The following ACADSB variants were observed in gnomAD, a reference collection of about 807,000 sequenced individuals.
ACADSB encodes short/branched chain specific acyl-CoA dehydrogenase, mitochondrial.
In ACADSB, 40 loss-of-function variants were observed where a neutral mutation model predicts 54.1. The observed-to-expected ratio is 0.74, with a 90% confidence interval of 0.57 to 0.96. ACADSB has a LOEUF of 0.96. Among genes scored for constraint, ACADSB ranks in the 40% least tolerant of loss-of-function variants. The pLI is 0.00. For missense variants in ACADSB, 530 were observed against 510.4 expected (o/e 1.04, Z -0.37); for synonymous variants, 182 against 182.8 (o/e 1.00, Z 0.03).
intron 10 of ACADSB, among the ~76,000 whole-genome samples, chr10:123,053,384 A>G (rs1850658868): frequency 1.3e-5 from 2 of 152,196 alleles, no homozygotes; most frequent in African/African-American, 4.8e-5. Context: ...TAAATGCCTC[A>G]ACAGGCTTTT....
At chr10:123,014,686 T>G (rs1459771020) in intron 1 of ACADSB, among the ~76,000 whole-genome samples, 1 of 152,224 alleles carries the variant, frequency 6.6e-6, no homozygotes, top group Non-Finnish European at 1.5e-5. Context: ...TAAAAATGAA[T>G]TTTAGAACAG....
intron 8 of ACADSB, among the ~76,000 whole-genome samples, chr10:123,048,800 C>A (rs1042755397): frequency 5.3e-5 from 8 of 152,108 alleles, no homozygotes; most frequent in Admixed American, 3.3e-4. Context: ...GCTATCTTGG[C>A]TCACTGCAAG....
In ACADSB at chr10:123,052,297, T is replaced by C. The variant is rs1317418651; in HGVS notation, c.1129-764T>C. On this transcript the variant is annotated intron_variant, in intron 9 of 10. Coordinates refer to ENST00000358776, the MANE Select transcript of ACADSB (RefSeq NM_001609.4). The surrounding 1 kb of genome is among the most constrained non-coding windows in gnomAD (Gnocchi z 4.2). Reference sequence around the variant, plus strand: ...GCCTTTCTGTGGTTCTGGCAGACAGTTGTTTCCAGCTTCTAGGGGCTGCTC... The same window carrying C: ...GCCTTTCTGTGGTTCTGGCAGACAGCTGTTTCCAGCTTCTAGGGGCTGCTC... Among the ~76,000 whole-genome samples the C allele has an allele frequency of 6.6e-6, 1 of 152,224 alleles. No homozygotes were observed. Among genetic ancestry groups the C allele is most frequent in the Non-Finnish European group, 1.5e-5 (1 of 68,040 alleles).
Position 123,044,654 on chromosome 10 carries a change from T to A in ACADSB, c.900+169T>A, listed in dbSNP as rs181405614. Among the ~76,000 whole-genome samples the A allele has an allele frequency of 4.8e-4, 73 of 152,340 alleles. 1 individual carries two copies. The East Asian group carries it at 9.3e-3, about 19-fold the overall frequency. Reference sequence around the variant, plus strand: ...TTCTTTCAAATTCCCTTTTGGTCAATTATGTAAGTGTCCATAGAACCAAAC... The same window carrying A: ...TTCTTTCAAATTCCCTTTTGGTCAAATATGTAAGTGTCCATAGAACCAAAC... On this transcript the variant is annotated intron_variant, in intron 7 of 10. Transcript: ENST00000358776.
chr10:123,047,335 T>A, intron 8 of ACADSB, 37 bp downstream of exon 8: 1 of 1,374,918 alleles, frequency 7.3e-7, no homozygotes. Context: ...TGTGTTAGAC[T>A]TCCCCAGCTT....
chr10:123,040,217 G>C (rs1025864955), intron 3 of ACADSB, among the ~76,000 whole-genome samples: 6 of 151,662 alleles, frequency 4.0e-5, no homozygotes, highest in Non-Finnish European at 8.8e-5. Context: ...TGGGTGTGAT[G>C]GTGGGCACCT....
intron 2 of ACADSB, 27 bp from the exon 3 acceptor site, chr10:123,037,720 A>C (rs375546868): frequency 2.8e-5 from 41 of 1,483,086 alleles, no homozygotes; most frequent in Non-Finnish European, 3.7e-5. Context: ...TTTAACATAG[A>C]CTTATCAGTA....
chr10:123,042,930 A>G, intron 5 of ACADSB, 116 bp from the exon 6 acceptor site: 1 of 1,160,596 alleles, frequency 8.6e-7, no homozygotes, highest in Non-Finnish European at 1.3e-6. Flanking sequence ...TGCAATTCTG[A>G]GTCCATTAGT....
At chr10:123,027,148 C>T (rs1242209378) in intron 1 of ACADSB, among the ~76,000 whole-genome samples, 6 of 152,056 alleles carry the variant, frequency 3.9e-5, no homozygotes, top group Non-Finnish European at 5.9e-5. Context: ...TTTCAGTCTC[C>T]AAAGTCAGGC....
intron 6 of ACADSB, 52 bp downstream of exon 6, chr10:123,043,223 T>G (rs1273961623): frequency 6.2e-7 from 1 of 1,607,128 alleles, no homozygotes; most frequent in East Asian, 2.2e-5. Context: ...AAGCCTTGCA[T>G]GGAACCACAG....
chr10:123,028,828 C>T (rs922405797), intron 1 of ACADSB, among the ~76,000 whole-genome samples: 11 of 151,866 alleles, frequency 7.2e-5, no homozygotes, highest in Admixed American at 6.6e-4. Context: ...GCCAGGAGTT[C>T]AAGGCCAGCC....
chr10:123,043,956 A>T (rs1043834971), intron 6 of ACADSB, among the ~76,000 whole-genome samples: 2 of 152,116 alleles, frequency 1.3e-5, no homozygotes, highest in Non-Finnish European at 2.9e-5. Flanking sequence ...GCACACACAC[A>T]TATACCCCAC....
chr10:123,048,732 T>A (rs1006288026), intron 8 of ACADSB, among the ~76,000 whole-genome samples: 3 of 151,172 alleles, frequency 2.0e-5, no homozygotes, highest in African/African-American at 4.9e-5. Context: ...TTATTTATTT[T>A]TATTTATTTA....
chr10:123,033,888 C>T (rs1850360819), intron 1 of ACADSB, among the ~76,000 whole-genome samples: 1 of 152,176 alleles, frequency 6.6e-6, no homozygotes, highest in African/African-American at 2.4e-5. Flanking sequence ...GCCCAGCTGC[C>T]TGGGCTCTCT....
rs148567472 is a variant in ACADSB at position 123,036,109 on chromosome 10, G to T, written c.202+1594G>T. Among the ~76,000 whole-genome samples, 744 of 151,784 alleles carry T rather than the reference G, an allele frequency of 4.9e-3. 2 individuals are homozygous for T. Among genetic ancestry groups the T allele is most frequent in the African/African-American group, 0.017 (708 of 41,374 alleles). On this transcript the variant is annotated intron_variant, in intron 2 of 10. Transcript: ENST00000358776. Reference sequence around the variant, plus strand: ...TCTTTTCTTTCTTTTTTTTTTGAAAGGGAGTTTTGCTCTTTTTGCCCATGT... The same window carrying T: ...TCTTTTCTTTCTTTTTTTTTTGAAATGGAGTTTTGCTCTTTTTGCCCATGT...
At chr10:123,026,676 A>G (rs1850256363) in intron 1 of ACADSB, among the ~76,000 whole-genome samples, 1 of 152,170 alleles carries the variant, frequency 6.6e-6, no homozygotes, top group Non-Finnish European at 1.5e-5. Flanking sequence ...AGGAGTGAAA[A>G]AGCTCTCTAA....
intron 1 of ACADSB, among the ~76,000 whole-genome samples, chr10:123,028,715 G>T (rs1850286392): frequency 6.6e-6 from 1 of 152,038 alleles, no homozygotes; most frequent in Non-Finnish European, 1.5e-5. Flanking sequence ...ACGTGGTTCA[G>T]GCAATTGTAC....
At chr10:123,015,310 C>T (rs528520789) in intron 1 of ACADSB, among the ~76,000 whole-genome samples, 29 of 152,346 alleles carry the variant, frequency 1.9e-4, no homozygotes, top group East Asian at 3.9e-4. Context: ...TCCTTTCTCT[C>T]GGGATCCTCA....
Position 123,047,153 on chromosome 10 carries a change from ATAAT to A in ACADSB, c.901-52_901-49del, listed in dbSNP as rs1294016443. Reference sequence around the variant, plus strand: ...TGTTTAGAGGGAATTCACAACTTGGATAATTAAACTTATAACAAAATAAGAAATT... The same window carrying A: ...TGTTTAGAGGGAATTCACAACTTGGATAAACTTATAACAAAATAAGAAATT... On this transcript the variant is annotated intron_variant, in intron 7 of 10. Coordinates refer to ENST00000358776, the MANE Select transcript of ACADSB (RefSeq NM_001609.4). 17 of 1,380,750 alleles carry A rather than the reference ATAAT, an allele frequency of 1.2e-5. No individual in the cohort carries two copies. The South Asian group carries it at 1.9e-4, about 15-fold the overall frequency. 85.5% of individuals were successfully genotyped at this position (1,380,750 alleles called of 1,614,324 possible).
Sources: gnomAD v4.1 joint callset for allele counts (sites outside exome capture counted in the v4.1 genomes callset) on GRCh38, gnomAD v4.1.1 for gene constraint, Gnocchi (gnomAD v3.1) non-coding constraint, MANE v1.5 for transcripts, NCBI Gene and HGNC (gene_info 2026-07-23, HGNC 2026-07-21) for gene names.